The following TASP1 variants were observed in gnomAD, a reference collection of about 807,000 sequenced individuals.
The protein encoded by TASP1 is threonine aspartase 1.
TASP1 carries 16 observed loss-of-function variants against 56.6 expected under a neutral mutation model. The observed-to-expected ratio is 0.28, with a 90% CI of 0.19 to 0.43. The LOEUF (loss-of-function observed/expected upper bound fraction) is 0.43, where lower values mean the gene tolerates loss of function less well. TASP1 is among the 20% of genes least tolerant of loss of function. The probability of loss-of-function intolerance (pLI) is 1.00; values close to 1 mark genes in which losing one functional copy is unlikely to be tolerated. For missense variants in TASP1, 393 were observed against 511.6 expected, an observed-to-expected ratio of 0.77 and a Z score of 2.24; for synonymous variants, 179 against 184.2, an observed-to-expected ratio of 0.97 and a Z score of 0.23.
the TASP1 span, chr20:13,117,483 G>A: frequency 1.8e-4 from 285 of 1,551,678 alleles, no homozygotes; most frequent in Non-Finnish European, 2.3e-4. Context: ...TGTTAGTTAT[G>A]AGCATTTCTC....
chr20:13,299,548 T>A, the TASP1 span: 3 of 1,194,228 alleles, frequency 2.5e-6, no homozygotes, highest in Non-Finnish European at 3.5e-6. This position sits in a 1 kb window ranked among gnomAD's most constrained non-coding sequence, Gnocchi z 5.8. Flanking sequence ...GAGACCTTCA[T>A]AGCTGCGGTC....
At chr20:13,414,349 G>A (rs111543959) in intron 13 of TASP1, among the ~76,000 whole-genome samples, 12 of 152,246 alleles carry the variant, frequency 7.9e-5, no homozygotes, top group African/African-American at 2.9e-4. Flanking sequence ...TTGTCCATCT[G>A]CCCCTCATTG....
At chr20:13,622,483 G>T (rs2048749812) in intron 4 of TASP1, among the ~76,000 whole-genome samples, 1 of 152,128 alleles carries the variant, frequency 6.6e-6, no homozygotes, top group Admixed American at 6.5e-5. Flanking sequence ...AAAAGCTCAG[G>T]TCCACAATTA....
the TASP1 span, among the ~76,000 whole-genome samples, chr20:13,249,610 C>G: frequency 1.2e-4 from 18 of 152,340 alleles, no homozygotes; most frequent in South Asian, 2.7e-3. Flanking sequence ...ATTTACACCA[C>G]AGTCATAAAG....
At chr20:13,448,798 A>T (rs914969396) in intron 11 of TASP1, among the ~76,000 whole-genome samples, 1 of 152,014 alleles carries the variant, frequency 6.6e-6, no homozygotes, top group Non-Finnish European at 1.5e-5. Context: ...TATAATCACC[A>T]TCCATAATAC....
intron 8 of TASP1, among the ~76,000 whole-genome samples, chr20:13,544,173 T>A (rs192280389): frequency 6.6e-6 from 1 of 152,206 alleles, no homozygotes; most frequent in Admixed American, 6.5e-5. Flanking sequence ...TGTAAAAAAA[T>A]TGTATTTCTT....
At chr20:13,540,392 T>A (rs1279374230) in intron 8 of TASP1, among the ~76,000 whole-genome samples, 1 of 152,216 alleles carries the variant, frequency 6.6e-6, no homozygotes, top group Non-Finnish European at 1.5e-5. Flanking sequence ...AATTCTTAAG[T>A]ATTTACCAAA....
At chr20:13,349,452 C>T in the TASP1 span, among the ~76,000 whole-genome samples, 4 of 152,116 alleles carry the variant, frequency 2.6e-5, no homozygotes, top group African/African-American at 9.7e-5. Context: ...CCACTCTTCC[C>T]ATAAGTCCAT....
chr20:13,229,538 T>C, the TASP1 span, among the ~76,000 whole-genome samples: 1 of 152,246 alleles, frequency 6.6e-6, no homozygotes, highest in East Asian at 1.9e-4. Context: ...GTCCACTGTG[T>C]AACTCTATCA....
chr20:13,338,238 T>G, the TASP1 span, among the ~76,000 whole-genome samples: 1 of 152,114 alleles, frequency 6.6e-6, no homozygotes, highest in Non-Finnish European at 1.5e-5. Flanking sequence ...TTAGACCACA[T>G]AGGGTAATTT....
chr20:13,529,768 T>C (rs570681811), intron 9 of TASP1, among the ~76,000 whole-genome samples: 1 of 152,320 alleles, frequency 6.6e-6, no homozygotes, highest in Admixed American at 6.5e-5. Flanking sequence ...AGGCTAAGAC[T>C]GAGGATGGGG....
At chr20:13,588,297 GGAA>G (rs2047389452) in intron 4 of TASP1, among the ~76,000 whole-genome samples, 1 of 131,216 alleles carries the variant, frequency 7.6e-6, no homozygotes, top group African/African-American at 2.9e-5. Flanking sequence ...AAGGAAGGAA[GGAA>G]GGAAGGAAGA....
At chr20:13,625,442 A>C (rs1052191031) in intron 2 of TASP1, among the ~76,000 whole-genome samples, 190 bp from the exon 3 acceptor site, 3 of 152,166 alleles carry the variant, frequency 2.0e-5, no homozygotes, top group Admixed American at 2.0e-4. Flanking sequence ...CCGTTTTCAA[A>C]AGCTCTTTTC....
chr20:13,432,990 C>G (rs1186350865), intron 12 of TASP1, among the ~76,000 whole-genome samples: 3 of 152,066 alleles, frequency 2.0e-5, no homozygotes, highest in Non-Finnish European at 4.4e-5. Context: ...GTTTGTTTTA[C>G]TATACTTTAA....
intron 8 of TASP1, among the ~76,000 whole-genome samples, chr20:13,557,574 T>G (rs1435077699): frequency 1.2e-4 from 15 of 120,448 alleles, no homozygotes; most frequent in Admixed American, 4.7e-4. Context: ...TGTTTTTGGT[T>G]TTTTTTTTTT....
chr20:13,384,505 A>G (rs536176160), downstream of TASP1, among the ~76,000 whole-genome samples: 18 of 152,296 alleles, frequency 1.2e-4, no homozygotes, highest in African/African-American at 3.4e-4. Context: ...CATGGGGGAA[A>G]AAAAAAAGAT....
At chr20:13,636,169 A>C (rs1380113645) in intron 1 of TASP1, among the ~76,000 whole-genome samples, 1 of 132,112 alleles carries the variant, frequency 7.6e-6, no homozygotes, top group Non-Finnish European at 1.6e-5. Context: ...TTTTTGAGAC[A>C]GAGTCTCACT....
chr20:13,380,236 G>A, the TASP1 span, among the ~76,000 whole-genome samples: 1 of 152,230 alleles, frequency 6.6e-6, no homozygotes, highest in Non-Finnish European at 1.5e-5. Context: ...TTTGATGTTG[G>A]TGACCTTCAC....
chr20:13,242,573 T>C, the TASP1 span, among the ~76,000 whole-genome samples: 1 of 152,006 alleles, frequency 6.6e-6, no homozygotes, highest in Non-Finnish European at 1.5e-5. Flanking sequence ...TGTTCAGAGA[T>C]GTGTAGAATG....
Sources: gnomAD v4.1 joint callset for allele counts (sites outside exome capture counted in the v4.1 genomes callset) on GRCh38, gnomAD v4.1.1 for gene constraint, Gnocchi (gnomAD v3.1) non-coding constraint, MANE v1.5 for transcripts, NCBI Gene and HGNC (gene_info 2026-07-23, HGNC 2026-07-21) for gene names.